CFAP184: variants seen among roughly 807,000 people sequenced by gnomAD.
The protein encoded by CFAP184 is cilia and flagella associated protein 184, also known as cilia- and flagella-associated protein 184.
chr4:7,042,771 A>C, the CFAP184 span: 1 of 1,539,094 alleles, frequency 6.5e-7, no homozygotes, highest in East Asian at 2.5e-5. Context: ...CTCCCTGCGA[A>C]GCCGCTTGCT....
the CFAP184 span, chr4:7,041,597 C>T: frequency 6.2e-7 from 1 of 1,614,256 alleles, no homozygotes; most frequent in Admixed American, 1.7e-5. Flanking sequence ...TGCAGCTTTT[C>T]CTTCACGTGG....
the CFAP184 span, chr4:7,041,602 A>G: frequency 1.2e-6 from 2 of 1,614,022 alleles, no homozygotes; most frequent in Non-Finnish European, 1.7e-6. Flanking sequence ...CTTTTCCTTC[A>G]CGTGGGTTAT....
chr4:7,042,455 T>G, the CFAP184 span: 2 of 1,611,144 alleles, frequency 1.2e-6, no homozygotes. Flanking sequence ...ACCCGCTCTG[T>G]CTCGGCCTCC....
the CFAP184 span, chr4:7,041,439 G>T: frequency 6.2e-7 from 1 of 1,614,218 alleles, no homozygotes; most frequent in Admixed American, 1.7e-5. Context: ...TGCCTAGAAG[G>T]CCGCACTTCT....
chr4:7,042,779 G>GCTC, the CFAP184 span: 185 of 1,542,336 alleles, frequency 1.2e-4, no homozygotes, highest in Non-Finnish European at 1.5e-4. Context: ...GAAGCCGCTT[G>GCTC]CTCCTCCTCC....
chr4:7,041,623 C>G, the CFAP184 span: 1 of 1,614,242 alleles, frequency 6.2e-7, no homozygotes, highest in Non-Finnish European at 8.5e-7. Flanking sequence ...TACTTGCACA[C>G]TGTTGGTCAC....
the CFAP184 span, chr4:7,041,441 C>T: frequency 8.7e-6 from 14 of 1,614,104 alleles, no homozygotes; most frequent in Admixed American, 1.7e-4. Flanking sequence ...CCTAGAAGGC[C>T]GCACTTCTGA....
the CFAP184 span, chr4:7,041,194 T>C: frequency 1.8e-5 from 27 of 1,501,934 alleles, no homozygotes; most frequent in Non-Finnish European, 2.3e-5. Flanking sequence ...GCCTTTTTAA[T>C]AGCAACGAAG....
the CFAP184 span, chr4:7,041,036 C>T: frequency 2.1e-6 from 1 of 465,938 alleles, no homozygotes; most frequent in Admixed American, 3.8e-5. Flanking sequence ...AAGTCAGTTA[C>T]ATTAAATCAC....
At chr4:7,041,224 C>G in the CFAP184 span, 17 of 1,521,414 alleles carry the variant, frequency 1.1e-5, no homozygotes, top group Non-Finnish European at 1.4e-5. Flanking sequence ...AGCAGGACAG[C>G]ACGTCCTGAG....
the CFAP184 span, chr4:7,042,039 G>A: frequency 1.2e-6 from 2 of 1,611,480 alleles, no homozygotes; most frequent in East Asian, 2.2e-5. Flanking sequence ...ACTGCAGGTC[G>A]TCTGCCTGCT....
the CFAP184 span, chr4:7,041,929 A>G: frequency 6.2e-7 from 1 of 1,612,414 alleles, no homozygotes; most frequent in Non-Finnish European, 8.5e-7. Flanking sequence ...CTGCATCACC[A>G]CCTGCTTCTT....
chr4:7,042,515 C>T, the CFAP184 span: 14 of 1,605,256 alleles, frequency 8.7e-6, no homozygotes, highest in Non-Finnish European at 1.2e-5. Flanking sequence ...GGCAGAGAGG[C>T]CTGGAACCTG....
chr4:7,042,408 T>C, the CFAP184 span: 1 of 1,612,162 alleles, frequency 6.2e-7, no homozygotes, highest in Non-Finnish European at 8.5e-7. Context: ...CCGCGCCGTC[T>C]CTCTGCGTCT....
At chr4:7,041,520 TA>T in the CFAP184 span, 1 of 1,614,230 alleles carries the variant, frequency 6.2e-7, no homozygotes, top group Admixed American at 1.7e-5. Flanking sequence ...TGTCTCTTCC[TA>T]GGGCGGCCTG....
At chr4:7,042,474 A>T in the CFAP184 span, 1 of 1,610,538 alleles carries the variant, frequency 6.2e-7, no homozygotes, top group Non-Finnish European at 8.5e-7. Context: ...CCGGGGCTGC[A>T]GCAGCCTCTT....
the CFAP184 span, chr4:7,042,423 C>T: frequency 6.2e-7 from 1 of 1,612,176 alleles, no homozygotes; most frequent in African/African-American, 1.3e-5. Context: ...GCGTCTCCTC[C>T]TTGTCCTCTT....
At chr4:7,042,465 C>T in the CFAP184 span, 4 of 1,610,750 alleles carry the variant, frequency 2.5e-6, no homozygotes, top group African/African-American at 4.0e-5. Flanking sequence ...TCTCGGCCTC[C>T]GGGGCTGCAG....
At chr4:7,042,900 C>G in the CFAP184 span, 2 of 1,551,466 alleles carry the variant, frequency 1.3e-6, no homozygotes, top group Non-Finnish European at 1.7e-6. Context: ...CTCCGCCTTC[C>G]CCGCCGGGGT....
Sources: allele counts gnomAD v4.1 joint callset, GRCh38; gene constraint gnomAD v4.1.1; transcripts MANE v1.5; gene names NCBI Gene and HGNC (gene_info 2026-07-23, HGNC 2026-07-21).